TASOR2: variants seen among roughly 807,000 people sequenced by gnomAD.
The protein encoded by TASOR2 is transcription activation suppressor family member 2.
In TASOR2, 84 loss-of-function variants were observed where a neutral mutation model predicts 199.5. The observed-to-expected ratio is 0.42, with a 90% CI of 0.35 to 0.50. The LOEUF (loss-of-function observed/expected upper bound fraction) is 0.50, where lower values mean the gene tolerates loss of function less well. Ranked by LOEUF, TASOR2 falls within the 20% of genes least tolerant of loss-of-function variation. TASOR2 has a pLI of 0.02. For synonymous variants in TASOR2, 1,103 were observed against 1,046.6 expected, an observed-to-expected ratio of 1.05 and a Z score of -1.04; for missense variants, 2,796 against 2,835.9, an observed-to-expected ratio of 0.99 and a Z score of 0.32.
rs533356184 is a variant in TASOR2, at chr10:5,684,909, G to C, written c.-554G>C. ...GCAGGCTGCCGGGCGTCCCGGGGTT[G>C]CCTCTTGCCCGTGACCCTGACGGGA... On this transcript the variant is annotated 5_prime_UTR_variant, in exon 1 of 21. Coordinates refer to ENST00000328090, the Ensembl canonical transcript of TASOR2. 3.6e-3 allele frequency: 1,423 copies of C among 397,528 alleles called. 21 individuals carry two copies. The highest frequency in any genetic ancestry group is 0.026 in the African/African-American group (1,254 of 48,710). The allele number at this position is 397,528 out of a possible 1,614,324, so 24.6% of individuals were successfully genotyped here.
intron 14 of TASOR2, among the ~76,000 whole-genome samples, chr10:5,743,492 A>C (rs564758804): frequency 7.2e-5 from 11 of 152,336 alleles, no homozygotes; most frequent in African/African-American, 2.4e-4. Flanking sequence ...TAGAGAAGTA[A>C]AGAAATTGCC....
chr10:5,748,478 C>A lies in TASOR2; in HGVS notation c.5057C>A (p.Pro1686Gln), dbSNP rs1208617844. ...CCAGTGTTTCAAGCACAGGAAATAC[C>A]AGCAGGCAGAATGGCCAGTTTGCTT... Residue 1686 changes from proline (P) to glutamine (Q), a missense_variant, in exon 15 of 21, where the codon CCA (proline) becomes CAA (glutamine). Transcript: ENST00000328090. This position sits in a 1 kb window ranked among gnomAD's most constrained non-coding sequence, Gnocchi z 5.1. The A allele has an allele frequency of 6.2e-7, 1 of 1,614,106 alleles. No homozygotes were observed. The highest frequency in any genetic ancestry group is 1.1e-5 in the South Asian group (1 of 91,088).
chr10:5,692,353 T>C (rs1244783251), intron 1 of TASOR2, among the ~76,000 whole-genome samples: 1 of 152,180 alleles, frequency 6.6e-6, no homozygotes, highest in Non-Finnish European at 1.5e-5. Context: ...AGACCTGAGA[T>C]TGATAGATAT....
chr10:5,705,739 C>T lies in TASOR2; in HGVS notation c.-287-7084C>T, dbSNP rs1838504683. Among the ~76,000 whole-genome samples the T allele has an allele frequency of 2.0e-5, 3 of 151,982 alleles. No homozygotes were observed. The South Asian group carries it at 6.2e-4, about 32-fold the overall frequency. On this transcript the variant is annotated intron_variant, in intron 1 of 20. Coordinates refer to ENST00000328090, the Ensembl canonical transcript of TASOR2. ...TAACTAATAATATTGACCCATTTCC[C>T]ATGTTTCTTTTTATTATATGCTTTA...
chr10:5,759,387 A>G (rs999120632), intron 18 of TASOR2, among the ~76,000 whole-genome samples: 5 of 152,374 alleles, frequency 3.3e-5, no homozygotes, highest in African/African-American at 9.6e-5. Flanking sequence ...GTTGTACCCT[A>G]AAAGAAGAGG....
rs990059900 is a variant in TASOR2 at position 5,754,826 on chromosome 10, A to G, written c.6607-1787A>G. Among the ~76,000 whole-genome samples the G allele has an allele frequency of 6.6e-6, 1 of 151,142 alleles. No individual in the cohort carries two copies. The highest frequency in any genetic ancestry group is 1.5e-5 in the Non-Finnish European group (1 of 67,666). Reference sequence around the variant, plus strand: ...TGGGAGGCCGAGGTGGGCGGATCACAAGGTCAGGAGATTGAGACCTTCCTG... The same window carrying G: ...TGGGAGGCCGAGGTGGGCGGATCACGAGGTCAGGAGATTGAGACCTTCCTG... On this transcript the variant is annotated intron_variant, in intron 15 of 20. Transcript: ENST00000328090. The surrounding 1 kb of genome is among the most constrained non-coding windows in gnomAD (Gnocchi z 4.3).
chr10:5,759,674 A>G (rs1378962115), intron 18 of TASOR2, among the ~76,000 whole-genome samples: 2 of 152,264 alleles, frequency 1.3e-5, no homozygotes, highest in African/African-American at 2.4e-5. Context: ...GATAACAAAC[A>G]TGACCAAGGT....
exon 15 of TASOR2, chr10:5,747,634 C>T: frequency 6.2e-7 from 1 of 1,614,172 alleles, no homozygotes; most frequent in Non-Finnish European, 8.5e-7. Context: ...AGCGTCTAGT[C>T]CTGAACCTCC....
At chr10:5,694,386 C>T (rs543743860) in intron 1 of TASOR2, among the ~76,000 whole-genome samples, 1 of 152,300 alleles carries the variant, frequency 6.6e-6, no homozygotes, top group African/African-American at 2.4e-5. Context: ...TGAAACCCTA[C>T]TGTATAACAG....
rs1200034973 is a variant in TASOR2 at position 5,735,076 on chromosome 10, A to C, written c.1205-228A>C. On this transcript the variant is annotated intron_variant, in intron 11 of 20. Coordinates refer to ENST00000328090, the Ensembl canonical transcript of TASOR2. ...CTCTGATCTTTTTCTTCTTCATCTG[A>C]TAGGGATATAGGCAGACACTTAGCA... Among the ~76,000 whole-genome samples the C allele has an allele frequency of 2.0e-5, 3 of 151,854 alleles. No individual in the cohort carries two copies. In the East Asian group the frequency reaches 5.8e-4, roughly 29 times the overall value.
At chr10:5,712,641 T>G in intron 1 of TASOR2, 182 bp from the exon 2 acceptor site, 1 of 1,048,578 alleles carries the variant, frequency 9.5e-7, no homozygotes, top group Non-Finnish European at 1.2e-6. Flanking sequence ...GCTATAATTT[T>G]TCAGACGCAG....
chr10:5,714,905 A>G (rs1832411616), intron 2 of TASOR2, among the ~76,000 whole-genome samples: 1 of 152,124 alleles, frequency 6.6e-6, no homozygotes, highest in Non-Finnish European at 1.5e-5. Context: ...TCAGAACTAG[A>G]TTTGGGGCTA....
chr10:5,761,983 A>G (rs546576564), intron 19 of TASOR2, among the ~76,000 whole-genome samples: 2 of 152,000 alleles, frequency 1.3e-5, no homozygotes, highest in Admixed American at 6.6e-5. Flanking sequence ...GCTTTTAAAA[A>G]ATTTGTGGGG....
chr10:5,763,090 T>C (rs1840139269), exon 21 of TASOR2: 1 of 1,559,352 alleles, frequency 6.4e-7, no homozygotes, highest in African/African-American at 1.4e-5. Flanking sequence ...TATTTTCCCT[T>C]TGGAAAACTT....
At chr10:5,734,955 A>G (rs1411756608) in intron 11 of TASOR2, among the ~76,000 whole-genome samples, 2 of 151,832 alleles carry the variant, frequency 1.3e-5, no homozygotes, top group East Asian at 1.9e-4. Context: ...TGGCCCCCCA[A>G]CATACTGGGA....
In TASOR2 at chr10:5,712,808, T is replaced by A. The variant is rs2131550596; in HGVS notation, c.-287-15T>A. ...TGTTTATAGCGTTTGGTTATTCTGT[T>A]CTCTCTTTATACAGTACAAAACTTT... On this transcript the variant is annotated splice_polypyrimidine_tract_variant and intron_variant, in intron 1 of 20. Coordinates refer to ENST00000328090, the Ensembl canonical transcript of TASOR2. 1 of 1,169,546 alleles carries A rather than the reference T, an allele frequency of 8.6e-7. No individual in the cohort carries two copies. The highest frequency in any genetic ancestry group is 3.2e-5 in the East Asian group (1 of 31,320). 72.4% of individuals were successfully genotyped at this position (1,169,546 alleles called of 1,614,324 possible). A position where few individuals can be genotyped will look rare whatever the true frequency, so the allele number is the denominator to read the frequency against.
chr10:5,759,226 C>T (rs1168896947), intron 18 of TASOR2, among the ~76,000 whole-genome samples: 1 of 152,166 alleles, frequency 6.6e-6, no homozygotes, highest in Admixed American at 6.5e-5. Context: ...ACTTAGCAGT[C>T]ATGAAATGTC....
chr10:5,717,048 C>T (rs1025064261), intron 2 of TASOR2, among the ~76,000 whole-genome samples: 2 of 137,800 alleles, frequency 1.5e-5, no homozygotes, highest in African/African-American at 2.7e-5. Flanking sequence ...AAAAAAAAGA[C>T]GTTTTCCTAC....
At chr10:5,735,477 C>A (rs973306034) in exon 12 of TASOR2, 26 of 1,613,932 alleles carry the variant, frequency 1.6e-5, no homozygotes, top group Non-Finnish European at 2.0e-5. Context: ...GAAGAAATCT[C>A]CACAAAAACA....
Sources: gnomAD v4.1 joint callset for allele counts (sites outside exome capture counted in the v4.1 genomes callset) on GRCh38, gnomAD v4.1.1 for gene constraint, Gnocchi (gnomAD v3.1) non-coding constraint, MANE v1.5 for transcripts, NCBI Gene and HGNC (gene_info 2026-07-23, HGNC 2026-07-21) for gene names.